Variants in NR5A1 observed in about 807,000 individuals in gnomAD.
NR5A1 encodes the protein nuclear receptor subfamily 5 group A member 1.
In NR5A1, 6 loss-of-function variants were observed where a neutral mutation model predicts 42.7. That is an observed-to-expected ratio of 0.14 (90% confidence interval 0.08 to 0.28). NR5A1 has a LOEUF of 0.28. Among genes scored for constraint, NR5A1 ranks in the 10% least tolerant of loss-of-function variants. NR5A1 has a pLI of 1.00. For missense variants in NR5A1, 442 were observed against 626.4 expected (o/e 0.71, Z 3.14); for synonymous variants, 274 against 277.5 (o/e 0.99, Z 0.12).
In NR5A1 at chr9:124,500,458, C is replaced by A; in HGVS notation, c.502G>T (p.Ala168Ser). ...GCACCGGGCACGGCCATGGGCAGTGCTGGGGCCCCAAAGTCGCCCAGTGGC... is the reference window on the plus strand; with the variant it reads ...GCACCGGGCACGGCCATGGGCAGTGATGGGGCCCCAAAGTCGCCCAGTGGC... ...AGPLGDFGAP[A>S]LPMAVPGAHG... The change falls in exon 4 of 7, where the codon GCA becomes TCA. Residue 168 changes from alanine to serine, a missense_variant. Coordinates refer to ENST00000373588, the MANE Select transcript of NR5A1 (RefSeq NM_004959.5). This position sits in a 1 kb window ranked among gnomAD's most constrained non-coding sequence, Gnocchi z 6.9. The A allele has an allele frequency of 6.3e-7, 1 of 1,591,366 alleles. No individual in the cohort carries two copies. The highest frequency in any genetic ancestry group is 8.5e-7 in the Non-Finnish European group (1 of 1,170,828).
chr9:124,496,581 G>T lies in NR5A1; in HGVS notation c.871-3432C>A, dbSNP rs372704662. 1.9e-4 allele frequency among the ~76,000 whole-genome samples: 29 copies of T among 152,314 alleles called. No homozygotes were observed. The East Asian group carries it at 5.4e-3, about 28-fold the overall frequency. On this transcript the variant is annotated intron_variant, in intron 4 of 6. Transcript: ENST00000373588. The surrounding 1 kb of genome is among the most constrained non-coding windows in gnomAD (Gnocchi z 5.0). ...CAGGGCCCCTCTGGAGCCCCCTGGG[G>T]TCCGATTGGTCTGGCTGTGAAGGCC...
chr9:124,487,043 T>C (rs1189466713), intron 6 of NR5A1, among the ~76,000 whole-genome samples: 1 of 152,134 alleles, frequency 6.6e-6, no homozygotes, highest in African/African-American at 2.4e-5. Context: ...GACCGGCATG[T>C]TGGAGAGGAG....
chr9:124,497,950 C>G (rs1358585933), intron 4 of NR5A1, among the ~76,000 whole-genome samples: 1 of 152,176 alleles, frequency 6.6e-6, no homozygotes, highest in Non-Finnish European at 1.5e-5. Context: ...CCGTGGCTCT[C>G]AGAGCCCTGG....
intron 6 of NR5A1, among the ~76,000 whole-genome samples, chr9:124,488,102 C>A (rs1425359827): frequency 1.4e-5 from 2 of 141,372 alleles, no homozygotes; most frequent in Non-Finnish European, 3.1e-5. Context: ...GAACTTTGTG[C>A]AAGCTGTTCC....
At chr9:124,502,927 C>A in intron 3 of NR5A1, 152 bp downstream of exon 3, 2 of 1,157,630 alleles carry the variant, frequency 1.7e-6, no homozygotes, top group Non-Finnish European at 2.4e-6. Flanking sequence ...CCAGCGCCAG[C>A]GCCCGGTTCT....
chr9:124,493,993 GC>G (rs1456831995), intron 4 of NR5A1, among the ~76,000 whole-genome samples: 2 of 152,218 alleles, frequency 1.3e-5, no homozygotes, highest in African/African-American at 4.8e-5. Context: ...CAGAGGCAGG[GC>G]CAGGCCAGGG....
Position 124,491,198 on chromosome 9 carries a change from C to A in NR5A1, c.1021G>T (p.Gly341Cys). 1 of 1,607,146 alleles carries A rather than the reference C, an allele frequency of 6.2e-7. No individual in the cohort carries two copies. The highest frequency in any genetic ancestry group is 8.5e-7 in the Non-Finnish European group (1 of 1,177,092). The change falls in exon 6 of 7, where the codon GGC becomes TGC. Residue 341 changes from glycine (G) to cysteine (C), a missense_variant. This residue lies in a region of NR5A1 where 163 missense variants were observed against 265.8 expected (regional missense o/e 0.61). Coordinates refer to ENST00000373588, the MANE Select transcript of NR5A1 (RefSeq NM_004959.5). ...VELTTVATQA[G>C]SLLHSLVLRA... ...AACACCAGGCTGTGCAGCAGCGAGC[C>A]CGCCTGGGTGGCCACTGTGGTCAGC... is the stretch of plus-strand genomic sequence containing the variant.
chr9:124,490,962 C>T (rs79836546), intron 6 of NR5A1, 119 bp downstream of exon 6: 6 of 1,315,218 alleles, frequency 4.6e-6, no homozygotes, highest in Non-Finnish European at 6.4e-6. Context: ...GGTCCTTTCT[C>T]CCCGAGGCTC....
In NR5A1 at chr9:124,482,612, CA is replaced by C. The variant is rs1490770493; in HGVS notation, c.*145del. 2.1e-5 allele frequency: 20 copies of C among 957,230 alleles called. No individual in the cohort carries two copies. The African/African-American group carries it at 3.3e-4, about 16-fold the overall frequency. The allele number at this position is 957,230 out of a possible 1,614,324, so 59.3% of individuals were successfully genotyped here. On this transcript the variant is annotated 3_prime_UTR_variant, in exon 7 of 7. Coordinates refer to ENST00000373588, the MANE Select transcript of NR5A1 (RefSeq NM_004959.5). ...TTCCCAAACACACAGTGTCAGAACT[CA>C]GGGGCAGCGGCCTCTGGGACGGGGC... is the stretch of plus-strand genomic sequence containing the variant.
At chr9:124,490,056 A>G (rs1832281321) in intron 6 of NR5A1, among the ~76,000 whole-genome samples, 1 of 152,032 alleles carries the variant, frequency 6.6e-6, no homozygotes, top group Admixed American at 6.5e-5. Context: ...CCACCAAGAC[A>G]ATACCTTAAT....
At chr9:124,492,981 A>C (rs1386076742) in intron 5 of NR5A1, 49 bp downstream of exon 5, 1 of 1,519,512 alleles carries the variant, frequency 6.6e-7, no homozygotes, top group Non-Finnish European at 8.8e-7. Flanking sequence ...CTGGAAGTGC[A>C]CAGCGGGGCC....
chr9:124,501,104 A>C lies in NR5A1; in HGVS notation c.245-389T>G. 1 of 497,342 alleles carries C rather than the reference A, an allele frequency of 2.0e-6. No individual in the cohort carries two copies. Among genetic ancestry groups the C allele is most frequent in the Non-Finnish European group, 4.0e-6 (1 of 249,942 alleles). The allele number at this position is 497,342 out of a possible 1,614,324, so 30.8% of individuals were successfully genotyped here. A position where few individuals can be genotyped will look rare whatever the true frequency, so the allele number is the denominator to read the frequency against. ...TCCTGGATTCATGCAAACGGGCTCT[A>C]CTGTCCTTGCCCCAGGTGCCCTGTC... On this transcript the variant is annotated intron_variant, in intron 3 of 6. Transcript: ENST00000373588. This position sits in a 1 kb window ranked among gnomAD's most constrained non-coding sequence, Gnocchi z 4.1.
chr9:124,491,652 C>T (rs140014016), intron 5 of NR5A1, among the ~76,000 whole-genome samples: 4 of 152,074 alleles, frequency 2.6e-5, no homozygotes, highest in African/African-American at 4.8e-5. Context: ...CACACCTACA[C>T]GCTGGGTCAC....
chr9:124,500,192 G>T lies in NR5A1; in HGVS notation c.768C>A (p.Pro256=). 6.2e-7 allele frequency: 1 copy of T among 1,610,236 alleles called. No homozygotes were observed. The highest frequency in any genetic ancestry group is 8.5e-7 in the Non-Finnish European group (1 of 1,178,192). The part of the protein sequence containing the change: ...GCLQEPTKSR[P]DQPAAFGLLC... ...GGAGGCCGAAGGCCGCCGGCTGGTC[G>T]GGGCGGCTTTTGGTGGGCTCCTGCA... The change falls in exon 4 of 7, where the codon CCC becomes CCA. Residue 256 remains proline (P), a synonymous_variant. Coordinates refer to ENST00000373588, the MANE Select transcript of NR5A1 (RefSeq NM_004959.5). The surrounding 1 kb of genome is among the most constrained non-coding windows in gnomAD (Gnocchi z 6.9).
chr9:124,495,199 C>T (rs1018795983), intron 4 of NR5A1, among the ~76,000 whole-genome samples: 3 of 152,256 alleles, frequency 2.0e-5, no homozygotes, highest in African/African-American at 7.2e-5. Flanking sequence ...TGCCCCCAGG[C>T]TCAGCCCTGA....
rs557479620 is a variant in NR5A1, at chr9:124,500,443, C to T, written c.517G>A (p.Val173Met). 52 of 1,581,810 alleles carry T rather than the reference C, an allele frequency of 3.3e-5. No homozygotes were observed. The highest frequency in any genetic ancestry group is 4.6e-5 in the South Asian group (4 of 87,822). ...DFGAPALPMAVPGAHGPLAGY... is the reference protein window; with the variant it reads ...DFGAPALPMAMPGAHGPLAGY... ...GCCAGTGGCCCGTGGGCACCGGGCA[C>T]GGCCATGGGCAGTGCTGGGGCCCCA... The change falls in exon 4 of 7, where the codon GTG (valine) becomes ATG (methionine). Residue 173 changes from valine to methionine, a missense_variant. Coordinates refer to ENST00000373588, the MANE Select transcript of NR5A1 (RefSeq NM_004959.5). The surrounding 1 kb of genome is among the most constrained non-coding windows in gnomAD (Gnocchi z 6.9).
chr9:124,482,682 A>G lies in NR5A1; in HGVS notation c.*76T>C, dbSNP rs1832145930. ...ATCAGAAAATGAACCATGCGGAGCC[A>G]GCGGTGTGGCTGCGGCCCCGCCCAG... On this transcript the variant is annotated 3_prime_UTR_variant, in exon 7 of 7. Transcript: ENST00000373588. 2 of 1,249,352 alleles carry G rather than the reference A, an allele frequency of 1.6e-6. No individual in the cohort carries two copies. The highest frequency in any genetic ancestry group is 2.2e-6 in the Non-Finnish European group (2 of 900,102). 77.4% of individuals were successfully genotyped at this position (1,249,352 alleles called of 1,614,324 possible). A position where few individuals can be genotyped will look rare whatever the true frequency, so the allele number is the denominator to read the frequency against.
At position 124,501,069 on chromosome 9, in the gene NR5A1, C is replaced by T; in HGVS notation, c.245-354G>A. The T allele has an allele frequency of 1.8e-6, 1 of 555,282 alleles. No individual in the cohort carries two copies. Among genetic ancestry groups the T allele is most frequent in the Non-Finnish European group, 3.5e-6 (1 of 283,186 alleles). The allele number at this position is 555,282 out of a possible 1,614,324, so 34.4% of individuals were successfully genotyped here. ...CACCCAGCCTCAATGTCACTACTTC[C>T]AGGAAGCACTCCTGGATTCATGCAA... On this transcript the variant is annotated intron_variant, in intron 3 of 6. Transcript: ENST00000373588. The surrounding 1 kb of genome is among the most constrained non-coding windows in gnomAD (Gnocchi z 4.1).
intron 4 of NR5A1, among the ~76,000 whole-genome samples, chr9:124,497,030 T>C (rs540091908): frequency 6.6e-6 from 1 of 152,318 alleles, no homozygotes; most frequent in African/African-American, 2.4e-5. Flanking sequence ...AACAATCGTG[T>C]GCTCAGAGGA....
Sources: allele counts gnomAD v4.1 joint callset (sites outside exome capture counted in the v4.1 genomes callset), GRCh38; gene constraint gnomAD v4.1.1; regional missense constraint gnomAD v4.1.1; non-coding constraint Gnocchi (gnomAD v3.1); transcripts MANE v1.5; gene names NCBI Gene and HGNC (gene_info 2026-07-23, HGNC 2026-07-21).